The following SGCD variants were observed in gnomAD, a reference collection of about 807,000 sequenced individuals.
SGCD encodes delta-sarcoglycan.
SGCD carries 18 observed loss-of-function variants against 36.6 expected under a neutral mutation model. That is an observed-to-expected ratio of 0.49 (90% CI 0.34 to 0.73). SGCD has a LOEUF of 0.73. SGCD is among the 30% of genes least tolerant of loss of function. The pLI is 0.01. For missense variants in SGCD, 387 were observed against 346.7 expected, an observed-to-expected ratio of 1.12 and a Z score of -0.92; for synonymous variants, 133 against 130.6, an observed-to-expected ratio of 1.02 and a Z score of -0.12.
At chr5:156,680,399 A>C (rs534254622) in intron 7 of SGCD, among the ~76,000 whole-genome samples, 1 of 152,352 alleles carries the variant, frequency 6.6e-6, no homozygotes, top group South Asian at 2.1e-4. Flanking sequence ...AGAGTCAGAC[A>C]GTCCTTACCC....
intron 7 of SGCD, among the ~76,000 whole-genome samples, chr5:156,734,374 A>G (rs1698405903): frequency 6.6e-6 from 1 of 151,016 alleles, no homozygotes; most frequent in South Asian, 2.1e-4. Context: ...TGATTTTCTC[A>G]TGGAAAATCT....
intron 3 of SGCD, among the ~76,000 whole-genome samples, chr5:156,212,194 T>G (rs1276616723): frequency 2.0e-5 from 3 of 152,210 alleles, no homozygotes; most frequent in African/African-American, 7.2e-5. Flanking sequence ...ATTGATTAAA[T>G]CTTACAATCA....
At chr5:156,053,244 T>C (rs1302948262) in intron 1 of SGCD, among the ~76,000 whole-genome samples, 1 of 146,144 alleles carries the variant, frequency 6.8e-6, no homozygotes, top group Non-Finnish European at 1.5e-5. Flanking sequence ...AGGCTGCTGC[T>C]GAAGGTTAAG....
chr5:156,608,513 A>G (rs1051307224), intron 6 of SGCD, among the ~76,000 whole-genome samples: 20 of 152,304 alleles, frequency 1.3e-4, no homozygotes, highest in African/African-American at 4.8e-4. Flanking sequence ...AGAAGAATGT[A>G]TATTCTGTTG....
intron 3 of SGCD, among the ~76,000 whole-genome samples, chr5:156,492,742 T>C (rs960607947): frequency 1.2e-4 from 18 of 152,252 alleles, no homozygotes; most frequent in African/African-American, 2.4e-4. Flanking sequence ...GGCCCTGGTA[T>C]GTGATGTTCC....
intron 3 of SGCD, among the ~76,000 whole-genome samples, chr5:156,366,707 G>A (rs569148864): frequency 9.7e-4 from 148 of 152,268 alleles, no homozygotes; most frequent in African/African-American, 3.5e-3. Flanking sequence ...ATTCTTCTGA[G>A]CTGAACCTAG....
chr5:156,689,613 T>C (rs1017435848), intron 7 of SGCD, among the ~76,000 whole-genome samples: 2 of 152,168 alleles, frequency 1.3e-5, no homozygotes, highest in African/African-American at 4.8e-5. Context: ...AGAATGAAAT[T>C]ACCAGTGGTG....
chr5:156,585,961 A>G (rs1760474015), intron 4 of SGCD, among the ~76,000 whole-genome samples: 1 of 152,176 alleles, frequency 6.6e-6, no homozygotes, highest in Non-Finnish European at 1.5e-5. Flanking sequence ...AGGCTTTCCT[A>G]TTAACATCTA....
chr5:156,635,161 C>T (rs938416339), intron 6 of SGCD, among the ~76,000 whole-genome samples: 1 of 152,126 alleles, frequency 6.6e-6, no homozygotes. Flanking sequence ...GAATTTGAGG[C>T]TGCAGTCAGC....
chr5:155,755,341 G>T, the SGCD span, among the ~76,000 whole-genome samples: 1 of 152,094 alleles, frequency 6.6e-6, no homozygotes, highest in Non-Finnish European at 1.5e-5. Context: ...CATAACCTAG[G>T]ACTTGATGTT....
chr5:156,548,000 G>T (rs992853029), intron 4 of SGCD, among the ~76,000 whole-genome samples: 1 of 152,126 alleles, frequency 6.6e-6, no homozygotes, highest in South Asian at 2.1e-4. Flanking sequence ...TGGGCTTTGG[G>T]CCTGTCACCC....
At chr5:156,014,400 C>T (rs1411204370) in intron 1 of SGCD, among the ~76,000 whole-genome samples, 4 of 152,112 alleles carry the variant, frequency 2.6e-5, no homozygotes, top group East Asian at 1.9e-4. Context: ...CCTTATTAAA[C>T]ATTTGCCATA....
chr5:155,896,026 T>C (rs73810342), intron 1 of SGCD, among the ~76,000 whole-genome samples: 4,029 of 152,370 alleles, frequency 0.026, 178 homozygotes, highest in African/African-American at 0.092. Context: ...ACCATGCGTA[T>C]CCTGACTTTT....
chr5:155,781,575 C>T, the SGCD span, among the ~76,000 whole-genome samples: 6 of 152,150 alleles, frequency 3.9e-5, no homozygotes, highest in Non-Finnish European at 8.8e-5. Flanking sequence ...GATCCTGCCA[C>T]CTCAGCCTCC....
At chr5:156,679,007 A>T (rs925443192) in intron 7 of SGCD, among the ~76,000 whole-genome samples, 4 of 152,220 alleles carry the variant, frequency 2.6e-5, no homozygotes, top group African/African-American at 9.6e-5. Flanking sequence ...GAGTCTGTGA[A>T]TATGGGAGGG....
At chr5:156,266,029 A>G (rs76625693) in intron 3 of SGCD, among the ~76,000 whole-genome samples, 2,131 of 152,340 alleles carry the variant, frequency 0.014, 23 homozygotes, top group Non-Finnish European at 0.024. Flanking sequence ...ACAATGAAAA[A>G]TTGTACTTGT....
At chr5:155,810,921 C>A in the SGCD span, among the ~76,000 whole-genome samples, 1 of 129,496 alleles carries the variant, frequency 7.7e-6, no homozygotes, top group African/African-American at 3.0e-5. Context: ...AGGTTCACGC[C>A]ATTCTCCTGC....
intron 1 of SGCD, among the ~76,000 whole-genome samples, chr5:156,086,159 T>C (rs1581090401): frequency 6.6e-6 from 1 of 152,382 alleles, no homozygotes; most frequent in East Asian, 1.9e-4. Flanking sequence ...AACTTTCCCA[T>C]TTGAAATAAC....
the SGCD span, among the ~76,000 whole-genome samples, chr5:155,797,260 T>C: frequency 0.02 from 3,015 of 152,270 alleles, 98 homozygotes; most frequent in African/African-American, 0.07. Context: ...TTTTCAAACA[T>C]ATAAGGTAGA....
Sources: gnomAD v4.1 joint callset for allele counts (sites outside exome capture counted in the v4.1 genomes callset) on GRCh38, gnomAD v4.1.1 for gene constraint, MANE v1.5 for transcripts, NCBI Gene and HGNC (gene_info 2026-07-23, HGNC 2026-07-21) for gene names.